Variants in DSCAM observed in about 807,000 individuals in gnomAD.
The protein encoded by DSCAM is DS cell adhesion molecule, also known as cell adhesion molecule DSCAM.
DSCAM carries 47 observed loss-of-function variants against 217.7 expected under a neutral mutation model. The observed-to-expected ratio is 0.22, with a 90% CI of 0.17 to 0.28. DSCAM has a LOEUF of 0.28. DSCAM is among the 10% of genes least tolerant of loss of function. The pLI, the probability that DSCAM is intolerant of heterozygous loss-of-function variation, is 1.00. For missense variants in DSCAM, 2,080 were observed against 2,618.3 expected (o/e 0.79, Z 4.49); for synonymous variants, 1,056 against 1,015.3 (o/e 1.04, Z -0.76).
intron 4 of DSCAM, among the ~76,000 whole-genome samples, chr21:40,357,905 C>T (rs1467316741): frequency 1.3e-5 from 2 of 151,814 alleles, no homozygotes; most frequent in African/African-American, 4.8e-5. Context: ...AATGATAGCT[C>T]TCGTTCTTCA....
chr21:40,064,835 C>G (rs1182889441), intron 27 of DSCAM, among the ~76,000 whole-genome samples: 1 of 152,158 alleles, frequency 6.6e-6, no homozygotes, highest in Non-Finnish European at 1.5e-5. Flanking sequence ...CTTTGTATTA[C>G]TGACCTGAAA....
chr21:40,692,702 T>C, intron 3 of DSCAM, 108 bp downstream of exon 3: 2 of 1,339,800 alleles, frequency 1.5e-6, no homozygotes, highest in Non-Finnish European at 2.0e-6. Context: ...TTAAGAATAC[T>C]AATTCTGAAT....
intron 16 of DSCAM, among the ~76,000 whole-genome samples, chr21:40,148,206 G>A (rs1013631122): frequency 1.3e-5 from 2 of 151,794 alleles, no homozygotes. Context: ...TTTTTTTCAG[G>A]GTGCTAATAT....
At chr21:40,429,203 C>T (rs374474247) in intron 3 of DSCAM, among the ~76,000 whole-genome samples, 2 of 151,254 alleles carry the variant, frequency 1.3e-5, no homozygotes, top group East Asian at 1.9e-4. Flanking sequence ...ATGTCTTTTG[C>T]AAAATATAAT....
Position 40,144,749 on chromosome 21 carries a change from G to T in DSCAM, c.3019-18C>A. ...TTGGGAGCCTAAACAGGAGAGAAAA[G>T]AACACACTAAAGAAGTCTTGAGGTA... On this transcript the variant is annotated intron_variant, in intron 16 of 32. Coordinates refer to ENST00000400454, the MANE Select transcript of DSCAM (RefSeq NM_001389.5). This position sits in a 1 kb window ranked among gnomAD's most constrained non-coding sequence, Gnocchi z 4.8. 1.2e-6 allele frequency: 2 copies of T among 1,613,932 alleles called. No homozygotes were observed. The highest frequency in any genetic ancestry group is 1.7e-6 in the Non-Finnish European group (2 of 1,179,984).
chr21:40,336,579 A>T (rs1480358771), intron 8 of DSCAM, among the ~76,000 whole-genome samples: 1 of 152,244 alleles, frequency 6.6e-6, no homozygotes, highest in Non-Finnish European at 1.5e-5. Flanking sequence ...TGTGGGTAAA[A>T]CATTCCTTCC....
intron 1 of DSCAM, among the ~76,000 whole-genome samples, chr21:40,748,226 C>A: frequency 6.6e-6 from 1 of 151,396 alleles, no homozygotes; most frequent in Admixed American, 6.6e-5. Flanking sequence ...AGTAATTAGG[C>A]AAGGGAAAGA....
At chr21:40,204,177 T>A (rs1010624524) in intron 11 of DSCAM, among the ~76,000 whole-genome samples, 67 of 152,332 alleles carry the variant, frequency 4.4e-4, no homozygotes, top group African/African-American at 1.6e-3. Context: ...ACAGATTAAT[T>A]GTAGGGCCCA....
intron 3 of DSCAM, among the ~76,000 whole-genome samples, chr21:40,434,122 T>A (rs1179375955): frequency 6.6e-6 from 1 of 152,198 alleles, no homozygotes; most frequent in Non-Finnish European, 1.5e-5. Flanking sequence ...CTTACCAGCC[T>A]TGTCATCACC....
At chr21:40,748,408 A>C (rs943922320) in intron 1 of DSCAM, among the ~76,000 whole-genome samples, 1 of 152,092 alleles carries the variant, frequency 6.6e-6, no homozygotes, top group Non-Finnish European at 1.5e-5. Flanking sequence ...ATTAACATAT[A>C]AAAATCAGTA....
rs535767131 is a variant in DSCAM, at chr21:40,540,005, G to C, written c.508+152805C>G. Among the ~76,000 whole-genome samples, 3 of 152,202 alleles carry C rather than the reference G, an allele frequency of 2.0e-5. No individual in the cohort carries two copies. In the South Asian group the frequency reaches 6.2e-4, roughly 32 times the overall value. ...TAGTACTATAATGTTAGTGTCGATA[G>C]CCTTTAGCAGTTTGTTTCTATTGAG... On this transcript the variant is annotated intron_variant, in intron 3 of 32. Transcript: ENST00000400454.
chr21:40,031,443 G>GTATT (rs1307130215), intron 32 of DSCAM, among the ~76,000 whole-genome samples: 1 of 152,062 alleles, frequency 6.6e-6, no homozygotes, highest in Non-Finnish European at 1.5e-5. Context: ...AAGACACTGG[G>GTATT]TATTACCCTA....
intron 3 of DSCAM, among the ~76,000 whole-genome samples, chr21:40,603,342 G>T (rs960344731): frequency 6.6e-6 from 1 of 152,106 alleles, no homozygotes. Flanking sequence ...AGATTCAGTT[G>T]TTTGATGGCA....
intron 1 of DSCAM, among the ~76,000 whole-genome samples, chr21:40,759,049 G>A (rs963269230): frequency 1.3e-5 from 2 of 152,158 alleles, no homozygotes; most frequent in African/African-American, 4.8e-5. Context: ...TGCCTGGAAG[G>A]GGTGTGAAAT....
At chr21:40,303,640 C>T (rs2074040154) in intron 9 of DSCAM, among the ~76,000 whole-genome samples, 1 of 152,116 alleles carries the variant, frequency 6.6e-6, no homozygotes, top group Non-Finnish European at 1.5e-5. Context: ...GCACTCATAA[C>T]AGCACCTATT....
At chr21:40,755,151 A>G (rs1287246555) in intron 1 of DSCAM, among the ~76,000 whole-genome samples, 8 of 152,130 alleles carry the variant, frequency 5.3e-5, no homozygotes, top group Non-Finnish European at 1.2e-4. Flanking sequence ...GGATGAGGTT[A>G]AGATGTTGCC....
At chr21:40,617,845 G>C (rs1051203260) in intron 3 of DSCAM, among the ~76,000 whole-genome samples, 3 of 152,222 alleles carry the variant, frequency 2.0e-5, no homozygotes, top group Admixed American at 6.5e-5. Flanking sequence ...TGCTGACTCA[G>C]ATTCTGCAAC....
At chr21:40,234,696 C>A (rs114875533) in intron 11 of DSCAM, among the ~76,000 whole-genome samples, 1,921 of 152,302 alleles carry the variant, frequency 0.013, 46 homozygotes, top group African/African-American at 0.043. Context: ...CTCTGTCATT[C>A]CTTCCTGGTA....
At chr21:40,819,620 GT>G (rs2091910226) in intron 1 of DSCAM, among the ~76,000 whole-genome samples, 1 of 152,158 alleles carries the variant, frequency 6.6e-6, no homozygotes, top group Non-Finnish European at 1.5e-5. Context: ...CCAAGCTGTT[GT>G]GATAAATCAC....
Sources: allele counts gnomAD v4.1 joint callset (sites outside exome capture counted in the v4.1 genomes callset), GRCh38; gene constraint gnomAD v4.1.1; non-coding constraint Gnocchi (gnomAD v3.1); transcripts MANE v1.5; gene names NCBI Gene and HGNC (gene_info 2026-07-23, HGNC 2026-07-21).